Variants in HS6ST3 observed in about 807,000 individuals in gnomAD.
HS6ST3 encodes heparan-sulfate 6-O-sulfotransferase 3.
A neutral mutation model predicts 36.7 loss-of-function variants in HS6ST3; 12 were observed. That is an observed-to-expected ratio of 0.33 (90% confidence interval 0.21 to 0.53). The LOEUF is 0.53. Among genes scored for constraint, HS6ST3 ranks in the 20% least tolerant of loss-of-function variants. HS6ST3 has a pLI of 0.95. For synonymous variants in HS6ST3, 240 were observed against 257.5 expected, an observed-to-expected ratio of 0.93 and a Z score of 0.65; for missense variants, 584 against 640.9, an observed-to-expected ratio of 0.91 and a Z score of 0.96.
intron 1 of HS6ST3, among the ~76,000 whole-genome samples, chr13:96,192,006 A>G (rs1003827602): frequency 3.9e-5 from 6 of 152,154 alleles, no homozygotes; most frequent in Admixed American, 1.3e-4. Context: ...ACACAACCCC[A>G]GAGTTTGACT....
intron 1 of HS6ST3, among the ~76,000 whole-genome samples, chr13:96,129,554 A>G (rs1283253431): frequency 1.8e-4 from 28 of 152,366 alleles, no homozygotes; most frequent in Admixed American, 1.8e-3. Flanking sequence ...ATTGGGAACC[A>G]GGAATCAAAG....
intron 1 of HS6ST3, among the ~76,000 whole-genome samples, chr13:96,240,635 T>G (rs2139372329): frequency 6.6e-6 from 1 of 152,006 alleles, no homozygotes; most frequent in South Asian, 2.1e-4. Context: ...TGGTGAGAGA[T>G]TGGAGTGTAG....
chr13:96,354,627 G>A (rs898197284), intron 1 of HS6ST3, among the ~76,000 whole-genome samples: 2 of 151,982 alleles, frequency 1.3e-5, no homozygotes, highest in African/African-American at 4.8e-5. Context: ...CTTATTAGGT[G>A]GAAGTAACAA....
intron 1 of HS6ST3, among the ~76,000 whole-genome samples, chr13:96,630,293 T>C (rs935471727): frequency 7.9e-5 from 12 of 152,162 alleles, no homozygotes; most frequent in Non-Finnish European, 1.5e-4. Context: ...TAGAATGACC[T>C]TGAGGACCAT....
At chr13:96,176,380 G>A (rs1489749906) in intron 1 of HS6ST3, among the ~76,000 whole-genome samples, 1 of 152,132 alleles carries the variant, frequency 6.6e-6, no homozygotes, top group Non-Finnish European at 1.5e-5. Flanking sequence ...GATAATAAAT[G>A]GAGGAATGAT....
chr13:96,330,225 A>T lies in HS6ST3; in HGVS notation c.707+238656A>T, dbSNP rs1453170439. ...TATGTGTGAATTTGATCCTGTCATT[A>T]TGATGTTAGCTGGTGATTTTGCTCG... On this transcript the variant is annotated intron_variant, in intron 1 of 1. Coordinates refer to ENST00000376705, the MANE Select transcript of HS6ST3 (RefSeq NM_153456.4). 4.6e-5 allele frequency among the ~76,000 whole-genome samples: 7 copies of T among 150,940 alleles called. No homozygotes were observed. In the South Asian group the frequency reaches 1.1e-3, roughly 23 times the overall value.
intron 1 of HS6ST3, among the ~76,000 whole-genome samples, chr13:96,110,691 T>G (rs1348303204): frequency 6.6e-6 from 1 of 152,134 alleles, no homozygotes; most frequent in Non-Finnish European, 1.5e-5. Context: ...CCCAAAGTGT[T>G]GGGATTACAG....
At chr13:96,243,776 C>T (rs1464540263) in intron 1 of HS6ST3, among the ~76,000 whole-genome samples, 1 of 151,928 alleles carries the variant, frequency 6.6e-6, no homozygotes, top group African/African-American at 2.4e-5. Flanking sequence ...TGGGGTGCTT[C>T]TCAATTGGTT....
At chr13:96,345,185 C>G (rs2055147587) in intron 1 of HS6ST3, among the ~76,000 whole-genome samples, 2 of 152,286 alleles carry the variant, frequency 1.3e-5, no homozygotes, top group East Asian at 1.9e-4. Flanking sequence ...CAGGAGGATT[C>G]TTCCTTAGAG....
At chr13:96,371,329 A>C (rs181160847) in intron 1 of HS6ST3, among the ~76,000 whole-genome samples, 1 of 152,294 alleles carries the variant, frequency 6.6e-6, no homozygotes, top group Non-Finnish European at 1.5e-5. Context: ...TTCTTGAAGT[A>C]AAATTGACAA....
At chr13:96,767,536 T>C (rs1012687147) in intron 1 of HS6ST3, among the ~76,000 whole-genome samples, 36 of 152,246 alleles carry the variant, frequency 2.4e-4, no homozygotes, top group Admixed American at 2.4e-3. Flanking sequence ...TAACCTGTTA[T>C]ACATCTTGTA....
At chr13:96,216,513 A>G (rs571494802) in intron 1 of HS6ST3, among the ~76,000 whole-genome samples, 2 of 152,296 alleles carry the variant, frequency 1.3e-5, no homozygotes, top group South Asian at 2.1e-4. Context: ...AATTTTGACA[A>G]TACCTTCTGT....
chr13:96,339,591 G>A (rs913698470), intron 1 of HS6ST3, among the ~76,000 whole-genome samples: 7 of 152,190 alleles, frequency 4.6e-5, no homozygotes, highest in Admixed American at 3.3e-4. Context: ...GGAGCCCCCA[G>A]TATCAAAGAC....
chr13:96,277,111 C>T (rs975724505), intron 1 of HS6ST3, among the ~76,000 whole-genome samples: 1 of 152,172 alleles, frequency 6.6e-6, no homozygotes, highest in Non-Finnish European at 1.5e-5. Context: ...TTGCCAAAGT[C>T]CCTGTTTGGA....
intron 1 of HS6ST3, among the ~76,000 whole-genome samples, chr13:96,640,248 A>G (rs540299936): frequency 1.3e-5 from 2 of 151,944 alleles, no homozygotes; most frequent in East Asian, 3.9e-4. Context: ...TGATTTTTTA[A>G]TGATAGCCAT....
chr13:96,158,652 CA>C (rs397954592), intron 1 of HS6ST3, among the ~76,000 whole-genome samples: 170 of 68,884 alleles, frequency 2.5e-3, no homozygotes, highest in East Asian at 7.6e-3. Context: ...GACTCCGTCT[CA>C]AAAAAAAAAA....
intron 1 of HS6ST3, among the ~76,000 whole-genome samples, chr13:96,747,437 A>G (rs952780580): frequency 2.6e-5 from 4 of 152,180 alleles, no homozygotes; most frequent in African/African-American, 9.7e-5. Context: ...AAATCATTAC[A>G]AGATCTTTTC....
intron 1 of HS6ST3, among the ~76,000 whole-genome samples, chr13:96,178,407 G>A (rs1046789790): frequency 6.6e-6 from 1 of 152,120 alleles, no homozygotes; most frequent in Non-Finnish European, 1.5e-5. Flanking sequence ...ACTTGAGGGT[G>A]TTTGAGGTAT....
intron 1 of HS6ST3, among the ~76,000 whole-genome samples, chr13:96,252,740 A>C (rs1267702893): frequency 6.6e-6 from 1 of 151,972 alleles, no homozygotes; most frequent in Non-Finnish European, 1.5e-5. Context: ...GGTCATGGGG[A>C]TGGATCCCTC....
Sources: allele counts gnomAD v4.1 joint callset (sites outside exome capture counted in the v4.1 genomes callset), GRCh38; gene constraint gnomAD v4.1.1; transcripts MANE v1.5; gene names NCBI Gene and HGNC (gene_info 2026-07-23, HGNC 2026-07-21).